Variants in C3orf52 observed in about 807,000 individuals in gnomAD.
C3orf52 encodes the protein TPA-induced transmembrane protein.
A neutral mutation model predicts 24.8 loss-of-function variants in C3orf52; 22 were observed. That is an observed-to-expected ratio of 0.89 (90% CI 0.63 to 1.27). The LOEUF (loss-of-function observed/expected upper bound fraction) is 1.27, where lower values mean the gene tolerates loss of function less well. C3orf52 is among the 50% of genes most tolerant of loss of function. The pLI is 0.00. For synonymous variants in C3orf52, 93 were observed against 100.2 expected (o/e 0.93, Z 0.43); for missense variants, 265 against 260.7 (o/e 1.02, Z -0.11).
intron 1 of C3orf52, among the ~76,000 whole-genome samples, chr3:112,088,174 G>T (rs1432718783): frequency 1.3e-5 from 2 of 152,204 alleles, no homozygotes; most frequent in African/African-American, 4.8e-5. Flanking sequence ...ACAGGATGGA[G>T]TGAAGGTGAA....
intron 2 of C3orf52, among the ~76,000 whole-genome samples, chr3:112,099,528 C>A (rs2073953766): frequency 6.6e-6 from 1 of 152,146 alleles, no homozygotes; most frequent in Non-Finnish European, 1.5e-5. Context: ...TATAAATATA[C>A]CTTGACCCTA....
At chr3:112,110,304 G>C (rs2074066936) in intron 4 of C3orf52, among the ~76,000 whole-genome samples, 1 of 151,974 alleles carries the variant, frequency 6.6e-6, no homozygotes. Flanking sequence ...ACTCCAGCCT[G>C]AGTGACAGAG....
intron 4 of C3orf52, among the ~76,000 whole-genome samples, chr3:112,127,693 G>A (rs2074358946): frequency 6.6e-6 from 1 of 152,182 alleles, no homozygotes; most frequent in African/African-American, 2.4e-5. Context: ...TAAGTTCTAT[G>A]TGCAAGGGAT....
At chr3:112,129,702 T>A (rs935778033), downstream of C3orf52, 1 of 152,100 alleles carries the variant, frequency 6.6e-6, no homozygotes, top group Non-Finnish European at 1.5e-5. Flanking sequence ...ACTGAAAAAA[T>A]TCACCCTGTT....
Position 112,086,446 on chromosome 3 carries a change from G to A in C3orf52, c.39G>A (p.Leu13=). ...LAQPSQPVDE[L]ELSVLERQPE... The stretch of plus-strand genomic sequence containing the variant: ...AACCCTCACAGCCAGTAGACGAGCT[G>A]GAGCTCTCGGTGCTCGAGCGGCAGC... Residue 13 remains leucine (L), a synonymous_variant, in exon 1 of 6, where the codon CTG becomes CTA. Transcript: ENST00000264848. The A allele has an allele frequency of 6.4e-7, 1 of 1,551,354 alleles. No homozygotes were observed. Among genetic ancestry groups the A allele is most frequent in the Non-Finnish European group, 8.7e-7 (1 of 1,146,770 alleles).
chr3:112,128,668 A>G (rs1296950320), exon 5 of C3orf52: 1 of 175,812 alleles, frequency 5.7e-6, no homozygotes, highest in Non-Finnish European at 1.2e-5. Context: ...ATAGCCAAGG[A>G]CAGGACAACC....
chr3:112,114,155 A>C (rs2074112597), intron 5 of C3orf52, among the ~76,000 whole-genome samples: 1 of 152,196 alleles, frequency 6.6e-6, no homozygotes, highest in Admixed American at 6.5e-5. Flanking sequence ...ATAGTACAAG[A>C]CAAGGTGTTT....
At chr3:112,118,956 A>G (rs2074164130), downstream of C3orf52, among the ~76,000 whole-genome samples, 1 of 152,204 alleles carries the variant, frequency 6.6e-6, no homozygotes, top group Middle Eastern at 3.2e-3. Context: ...TGAAAAAATG[A>G]TGTGTTTTAT....
chr3:112,089,397 G>A (rs2073858053), intron 1 of C3orf52, among the ~76,000 whole-genome samples: 2 of 151,958 alleles, frequency 1.3e-5, no homozygotes, highest in African/African-American at 2.4e-5. Context: ...GTGTGGTGGC[G>A]CATGCCTGTA....
At chr3:112,110,752 T>C (rs1210622880) in intron 4 of C3orf52, among the ~76,000 whole-genome samples, 2 of 152,220 alleles carry the variant, frequency 1.3e-5, no homozygotes, top group African/African-American at 2.4e-5. Context: ...TTGTATTATA[T>C]TGAGATTCCC....
At chr3:112,102,488 G>A (rs2107781725) in intron 2 of C3orf52, among the ~76,000 whole-genome samples, 1 of 152,240 alleles carries the variant, frequency 6.6e-6, no homozygotes, top group East Asian at 1.9e-4. Flanking sequence ...CCGTCTCCCA[G>A]TACCTGCCTT....
At chr3:112,126,385 G>T (rs1198019192) in intron 4 of C3orf52, among the ~76,000 whole-genome samples, 1 of 151,904 alleles carries the variant, frequency 6.6e-6, no homozygotes, top group African/African-American at 2.4e-5. Flanking sequence ...TTATTTTTAG[G>T]TGTGATACAA....
chr3:112,133,239 G>T, downstream of C3orf52: 1 of 1,046,188 alleles, frequency 9.6e-7, no homozygotes, highest in Non-Finnish European at 1.5e-6. Flanking sequence ...CACCCGTGCA[G>T]AGACAGCAGA....
At chr3:112,131,708 C>T (rs1451683685), downstream of C3orf52, among the ~76,000 whole-genome samples, 1 of 152,158 alleles carries the variant, frequency 6.6e-6, no homozygotes, top group Non-Finnish European at 1.5e-5. Context: ...TTACATCTGA[C>T]ACCATATATT....
At chr3:112,105,100 T>G (rs1191064268) in intron 3 of C3orf52, among the ~76,000 whole-genome samples, 1 of 152,186 alleles carries the variant, frequency 6.6e-6, no homozygotes, top group African/African-American at 2.4e-5. Context: ...TGCGGGTATT[T>G]TGAGCTCATC....
At chr3:112,101,109 A>G (rs2073968681) in intron 2 of C3orf52, among the ~76,000 whole-genome samples, 1 of 152,074 alleles carries the variant, frequency 6.6e-6, no homozygotes, top group Non-Finnish European at 1.5e-5. Flanking sequence ...ACAATTAAGG[A>G]CGCAGGGATA....
rs138019780 is a variant in C3orf52, at chr3:112,100,993, G to A, written c.269-1845G>A. 2.8e-3 allele frequency among the ~76,000 whole-genome samples: 433 copies of A among 152,214 alleles called. 1 individual carries two copies. Among genetic ancestry groups the A allele is most frequent in the Non-Finnish European group, 4.0e-3 (272 of 68,004 alleles). ...AACCCTCTTGATTGCAAGATTATTC[G>A]TATTTTTTTCTTTGCTTTGTTACAA... On this transcript the variant is annotated intron_variant, in intron 2 of 5. Transcript: ENST00000264848.
At chr3:112,102,282 T>A (rs969038848) in intron 2 of C3orf52, among the ~76,000 whole-genome samples, 1 of 152,202 alleles carries the variant, frequency 6.6e-6, no homozygotes, top group Non-Finnish European at 1.5e-5. Context: ...AGTTACTTGC[T>A]CCCACTTCCT....
intron 5 of C3orf52, 111 bp from the exon 6 acceptor site, chr3:112,116,531 A>G (rs2074134534): frequency 9.9e-7 from 1 of 1,010,362 alleles, no homozygotes; most frequent in Non-Finnish European, 1.4e-6. Context: ...TAAACCTTGC[A>G]ATTTTATCTA....
Sources: allele counts gnomAD v4.1 joint callset (sites outside exome capture counted in the v4.1 genomes callset), GRCh38; gene constraint gnomAD v4.1.1; transcripts MANE v1.5; gene names NCBI Gene and HGNC (gene_info 2026-07-23, HGNC 2026-07-21).